ACVR1: variants seen among roughly 807,000 people sequenced by gnomAD.
The protein encoded by ACVR1 is activin A receptor type 1.
A neutral mutation model predicts 57.1 loss-of-function variants in ACVR1; 38 were observed. The ratio of observed to expected loss-of-function variants is 0.67; its 90% confidence interval spans 0.51 to 0.87. ACVR1 has a LOEUF of 0.87. Ranked by LOEUF, ACVR1 falls within the 40% of genes least tolerant of loss-of-function variation. The pLI, the probability that ACVR1 is intolerant of heterozygous loss-of-function variation, is 0.00. For synonymous variants in ACVR1, 212 were observed against 228.1 expected, an observed-to-expected ratio of 0.93 and a Z score of 0.63; for missense variants, 463 against 638.2, an observed-to-expected ratio of 0.73 and a Z score of 2.96.
chr2:157,805,550 T>C (rs1176560279), intron 2 of ACVR1, among the ~76,000 whole-genome samples: 1 of 152,150 alleles, frequency 6.6e-6, no homozygotes, highest in Non-Finnish European at 1.5e-5. Context: ...AAGGAAAAAA[T>C]AATAATTCTC....
chr2:157,738,154 TA>T (rs1684612382), intron 10 of ACVR1, among the ~76,000 whole-genome samples: 1 of 152,224 alleles, frequency 6.6e-6, no homozygotes, highest in African/African-American at 2.4e-5. Flanking sequence ...GTCTTAGGGC[TA>T]ATAGCAGTAG....
intron 1 of ACVR1, among the ~76,000 whole-genome samples, chr2:157,852,532 C>A (rs1689358149): frequency 6.7e-6 from 1 of 149,828 alleles, no homozygotes. Flanking sequence ...AAGAGCAAGA[C>A]CTTGGAAAAA....
At chr2:157,774,325 T>G in intron 5 of ACVR1, 138 bp from the exon 6 acceptor site, 2 of 721,536 alleles carry the variant, frequency 2.8e-6, no homozygotes, top group Non-Finnish European at 5.0e-6. Flanking sequence ...CATGTAAAGC[T>G]CCTCTGGAAG....
At position 157,766,091 on chromosome 2, in the gene ACVR1, G is replaced by C. The variant is rs746058852; in HGVS notation, c.896C>G (p.Thr299Ser). ...TCGAAGGCAGCTAACTGTATCCAGA[G>C]TAGTAAGCTGAAGATAGTCGTACAA... is the stretch of plus-strand genomic sequence containing the variant. ...GSLYDYLQLT[T>S]LDTVSCLRIV... Residue 299 changes from threonine to serine, a missense_variant, in exon 8 of 11, where the codon ACT (threonine) becomes AGT (serine). Coordinates refer to ENST00000434821, the MANE Select transcript of ACVR1 (RefSeq NM_001111067.4). 5 of 1,614,094 alleles carry C rather than the reference G, an allele frequency of 3.1e-6. No homozygotes were observed. The highest frequency in any genetic ancestry group is 1.7e-5 in the Admixed American group (1 of 60,028).
chr2:157,858,213 C>T (rs1689600044), intron 1 of ACVR1, among the ~76,000 whole-genome samples: 1 of 152,082 alleles, frequency 6.6e-6, no homozygotes, highest in South Asian at 2.1e-4. Context: ...GAGGAGCCTT[C>T]CCTTCCTCTC....
chr2:157,774,055 A>G (rs745799144), intron 6 of ACVR1, 33 bp downstream of exon 6: 179 of 1,578,218 alleles, frequency 1.1e-4, no homozygotes, highest in Non-Finnish European at 1.5e-4. Context: ...AACATTGCAT[A>G]TTACCCACAA....
chr2:157,807,513 G>A (rs1687593014), intron 2 of ACVR1, among the ~76,000 whole-genome samples: 1 of 150,910 alleles, frequency 6.6e-6, no homozygotes. Context: ...ATTCTCCAAC[G>A]CAGCTCACAG....
chr2:157,830,376 C>A (rs1173565966), intron 1 of ACVR1, among the ~76,000 whole-genome samples: 1 of 151,178 alleles, frequency 6.6e-6, no homozygotes, highest in Non-Finnish European at 1.5e-5. Flanking sequence ...GGAGGTAGAC[C>A]TACTGGAACC....
At chr2:157,807,407 CT>C (rs1421244634) in intron 2 of ACVR1, among the ~76,000 whole-genome samples, 1 of 152,128 alleles carries the variant, frequency 6.6e-6, no homozygotes, top group African/African-American at 2.4e-5. Context: ...GAGACTGTCC[CT>C]CGTTTTCCAC....
intron 9 of ACVR1, among the ~76,000 whole-genome samples, chr2:157,751,496 A>C (rs1330494280): frequency 6.6e-6 from 1 of 152,236 alleles, no homozygotes; most frequent in Non-Finnish European, 1.5e-5. Context: ...CAGACTCGAC[A>C]GGTGGGAAGG....
At chr2:157,871,721 C>T (rs1690118556) in intron 1 of ACVR1, among the ~76,000 whole-genome samples, 1 of 152,162 alleles carries the variant, frequency 6.6e-6, no homozygotes, top group Admixed American at 6.5e-5. Flanking sequence ...CTCACATTTC[C>T]AGAACTGCCT....
chr2:157,835,646 CA>C (rs1245965294), intron 1 of ACVR1, among the ~76,000 whole-genome samples: 2 of 152,120 alleles, frequency 1.3e-5, no homozygotes, highest in African/African-American at 4.8e-5. Context: ...CAACGTATGT[CA>C]AAATTTCTTT....
chr2:157,767,793 GAA>G (rs1328685525), intron 7 of ACVR1, among the ~76,000 whole-genome samples: 2 of 152,110 alleles, frequency 1.3e-5, no homozygotes, highest in African/African-American at 4.8e-5. Flanking sequence ...TATCAACTCT[GAA>G]TTTAGTGCTA....
chr2:157,825,697 C>A (rs1457987600), intron 1 of ACVR1, among the ~76,000 whole-genome samples: 2 of 152,164 alleles, frequency 1.3e-5, no homozygotes, highest in African/African-American at 4.8e-5. Flanking sequence ...CTACTCCATC[C>A]GTAGAAAAAA....
At chr2:157,848,121 G>GTA (rs1377457029) in intron 1 of ACVR1, among the ~76,000 whole-genome samples, 6 of 152,182 alleles carry the variant, frequency 3.9e-5, no homozygotes, top group Admixed American at 1.3e-4. Flanking sequence ...TCTGAATGAA[G>GTA]TATAGCTTTG....
chr2:157,812,044 C>T (rs959849788), intron 2 of ACVR1, among the ~76,000 whole-genome samples: 1 of 152,120 alleles, frequency 6.6e-6, no homozygotes, highest in African/African-American at 2.4e-5. Context: ...ACCTTATAAA[C>T]TGAATTTGAA....
intron 1 of ACVR1, among the ~76,000 whole-genome samples, chr2:157,865,427 T>A (rs1311597658): frequency 6.6e-6 from 1 of 152,228 alleles, no homozygotes; most frequent in Non-Finnish European, 1.5e-5. Flanking sequence ...CAAATATCCC[T>A]TGATTCAGCA....
At chr2:157,786,049 A>G (rs1686699774) in intron 3 of ACVR1, among the ~76,000 whole-genome samples, 1 of 152,106 alleles carries the variant, frequency 6.6e-6, no homozygotes, top group Non-Finnish European at 1.5e-5. Context: ...TAAGTATGGA[A>G]TTCCTTCCAC....
At chr2:157,767,933 A>G (rs1685928002) in intron 7 of ACVR1, among the ~76,000 whole-genome samples, 1 of 152,194 alleles carries the variant, frequency 6.6e-6, no homozygotes, top group Non-Finnish European at 1.5e-5. Flanking sequence ...CTGGAACTTT[A>G]TATGCAATCC....
Sources: allele counts gnomAD v4.1 joint callset (sites outside exome capture counted in the v4.1 genomes callset), GRCh38; gene constraint gnomAD v4.1.1; transcripts MANE v1.5; gene names NCBI Gene and HGNC (gene_info 2026-07-23, HGNC 2026-07-21).